The following UNC13C variants were observed in gnomAD, a reference collection of about 807,000 sequenced individuals.
UNC13C encodes unc-13 homolog C.
UNC13C carries 174 observed loss-of-function variants against 245.4 expected under a neutral mutation model. That is an observed-to-expected ratio of 0.71 (90% confidence interval 0.63 to 0.80). UNC13C has a LOEUF of 0.80. Among genes scored for constraint, UNC13C ranks in the 30% least tolerant of loss-of-function variants. UNC13C has a pLI of 0.00. For synonymous variants in UNC13C, 992 were observed against 895.1 expected (o/e 1.11, Z -1.93); for missense variants, 2,829 against 2,602.9 (o/e 1.09, Z -1.89).
At chr15:54,053,702 C>T (rs1020966949) in intron 2 of UNC13C, among the ~76,000 whole-genome samples, 1 of 152,048 alleles carries the variant, frequency 6.6e-6, no homozygotes, top group Admixed American at 6.6e-5. Context: ...ACTGTAGTCC[C>T]TTTGTTGTGC....
chr15:54,065,652 G>T (rs1898041871), intron 2 of UNC13C, among the ~76,000 whole-genome samples: 1 of 152,202 alleles, frequency 6.6e-6, no homozygotes. Flanking sequence ...TTGCCATCCT[G>T]GAATTCTTCA....
intron 15 of UNC13C, among the ~76,000 whole-genome samples, chr15:54,333,262 G>T (rs769553447): frequency 2.6e-5 from 4 of 151,956 alleles, no homozygotes; most frequent in African/African-American, 4.8e-5. Context: ...CTCGCTAAAA[G>T]AAACCTTTTT....
chr15:54,551,349 T>C (rs1322870827), intron 28 of UNC13C, among the ~76,000 whole-genome samples: 1 of 152,060 alleles, frequency 6.6e-6, no homozygotes, highest in Non-Finnish European at 1.5e-5. Flanking sequence ...TCAGTAGCTC[T>C]GAGGAAGTAT....
intron 2 of UNC13C, among the ~76,000 whole-genome samples, chr15:54,111,346 A>G (rs138828731): frequency 3.5e-4 from 53 of 152,366 alleles, no homozygotes; most frequent in African/African-American, 1.3e-3. Context: ...CCTCATAAAA[A>G]TAAAGTTAAT....
At chr15:54,532,232 G>A (rs759060881) in intron 25 of UNC13C, among the ~76,000 whole-genome samples, 8 of 151,988 alleles carry the variant, frequency 5.3e-5, no homozygotes, top group African/African-American at 1.7e-4. Context: ...GTGTCCATGC[G>A]TTCTCATCAT....
chr15:54,556,776 T>C (rs996160093), intron 29 of UNC13C, among the ~76,000 whole-genome samples: 15 of 151,828 alleles, frequency 9.9e-5, no homozygotes, highest in African/African-American at 3.4e-4. Flanking sequence ...GCATGCACCA[T>C]GAAGAGGAAG....
chr15:53,873,911 CCTTCCTTCCTTTCT>C, the UNC13C span, among the ~76,000 whole-genome samples: 1 of 21,348 alleles, frequency 4.7e-5, no homozygotes, highest in East Asian at 2.2e-3. Flanking sequence ...TTCCTTCCTT[CCTTCCTTCCTTTCT>C]TCCTTCCTTC....
At chr15:54,152,945 G>T (rs946522671) in intron 4 of UNC13C, among the ~76,000 whole-genome samples, 1 of 152,104 alleles carries the variant, frequency 6.6e-6, no homozygotes, top group African/African-American at 2.4e-5. Flanking sequence ...TTTAATGAAT[G>T]AATACCTTAT....
intron 4 of UNC13C, among the ~76,000 whole-genome samples, chr15:54,209,956 A>G (rs2034828530): frequency 6.6e-6 from 1 of 152,034 alleles, no homozygotes; most frequent in Non-Finnish European, 1.5e-5. Flanking sequence ...TGTGTGTAAG[A>G]CACTGTTTCA....
At chr15:54,170,887 G>A (rs1595942390) in intron 4 of UNC13C, among the ~76,000 whole-genome samples, 1 of 152,104 alleles carries the variant, frequency 6.6e-6, no homozygotes, top group Non-Finnish European at 1.5e-5. Context: ...ATAAGCCATT[G>A]TTTCTGTGAG....
chr15:54,324,523 G>A lies in UNC13C; in HGVS notation c.4425+2428G>A, dbSNP rs554668322. Among the ~76,000 whole-genome samples the A allele has an allele frequency of 2.0e-5, 3 of 152,164 alleles. No individual in the cohort carries two copies. In the South Asian group the frequency reaches 6.2e-4, roughly 32 times the overall value. On this transcript the variant is annotated intron_variant, in intron 14 of 32. Transcript: ENST00000260323. ...AAAGGACAGAACCCTTGGGTGTACA[G>A]AAGAGATGCAAGCAAAGTTTACCTA...
chr15:54,414,755 C>T (rs1007347134), intron 18 of UNC13C, among the ~76,000 whole-genome samples: 1 of 152,040 alleles, frequency 6.6e-6, no homozygotes, highest in Admixed American at 6.6e-5. Context: ...TACTTTGGCA[C>T]TGATATAATG....
the UNC13C span, among the ~76,000 whole-genome samples, chr15:53,848,257 A>G: frequency 6.6e-6 from 1 of 151,870 alleles, no homozygotes; most frequent in African/African-American, 2.4e-5. Flanking sequence ...ATTTGCTCTT[A>G]TTTTTATAGG....
chr15:54,450,748 G>A (rs184572549), intron 19 of UNC13C, among the ~76,000 whole-genome samples: 2 of 152,284 alleles, frequency 1.3e-5, no homozygotes, highest in East Asian at 3.9e-4. Context: ...CCCTGCTTCA[G>A]CTCACGCTCG....
intron 1 of UNC13C, among the ~76,000 whole-genome samples, chr15:54,000,537 GT>G (rs1286851841): frequency 6.6e-6 from 1 of 152,094 alleles, no homozygotes. Flanking sequence ...CTATCAAGTG[GT>G]TTTAACATTG....
At chr15:54,163,571 C>G (rs1230620362) in intron 4 of UNC13C, among the ~76,000 whole-genome samples, 1 of 152,092 alleles carries the variant, frequency 6.6e-6, no homozygotes, top group East Asian at 1.9e-4. Context: ...TTTTCATTAC[C>G]TTCTTCTACC....
intron 30 of UNC13C, among the ~76,000 whole-genome samples, chr15:54,582,808 A>T (rs1898266339): frequency 1.3e-5 from 2 of 152,176 alleles, no homozygotes; most frequent in Non-Finnish European, 2.9e-5. Flanking sequence ...GGTTTTCAGT[A>T]CCAGCTGAAA....
chr15:54,602,568 C>A (rs959887322), intron 30 of UNC13C, among the ~76,000 whole-genome samples: 1 of 152,078 alleles, frequency 6.6e-6, no homozygotes, highest in African/African-American at 2.4e-5. Flanking sequence ...TCTAAGTTTT[C>A]TTTTTATTTT....
At position 54,322,216 on chromosome 15, in the gene UNC13C, G is replaced by A. The variant is rs1421437941; in HGVS notation, c.4425+121G>A. ...CAGAAAGGACATTTTAGGGAATAGC[G>A]TAATGGGTTCCAGCTCAAAGTTCAT... On this transcript the variant is annotated intron_variant, in intron 14 of 32. Transcript: ENST00000260323. The A allele has an allele frequency of 1.9e-5, 17 of 917,284 alleles. 1 individual carries two copies. The highest frequency in any genetic ancestry group is 1.5e-4 in the Admixed American group (4 of 27,054). 56.8% of individuals were successfully genotyped at this position (917,284 alleles called of 1,614,324 possible).
Sources: gnomAD v4.1 joint callset for allele counts (sites outside exome capture counted in the v4.1 genomes callset) on GRCh38, gnomAD v4.1.1 for gene constraint, MANE v1.5 for transcripts, NCBI Gene and HGNC (gene_info 2026-07-23, HGNC 2026-07-21) for gene names.